RBFOX1: variants seen among roughly 807,000 people sequenced by gnomAD.
RBFOX1 encodes RNA binding fox-1 homolog 1.
In RBFOX1, 8 loss-of-function variants were observed where a neutral mutation model predicts 57.7. The ratio of observed to expected loss-of-function variants is 0.14; its 90% CI spans 0.08 to 0.25. The LOEUF (loss-of-function observed/expected upper bound fraction) is 0.25, where lower values mean the gene tolerates loss of function less well. RBFOX1 is among the 10% of genes least tolerant of loss of function. RBFOX1 has a pLI of 1.00. For synonymous variants in RBFOX1, 326 were observed against 222.4 expected (o/e 1.47, Z -4.15); for missense variants, 611 against 548.5 (o/e 1.11, Z -1.14).
intron 2 of RBFOX1, among the ~76,000 whole-genome samples, chr16:6,403,013 G>A (rs1290375793): frequency 6.6e-6 from 1 of 152,206 alleles, no homozygotes; most frequent in African/African-American, 2.4e-5. Flanking sequence ...TGTTTTGTTT[G>A]TTGATGTATT....
intron 1 of RBFOX1, among the ~76,000 whole-genome samples, chr16:5,292,629 G>GATTTATTTATTT (rs35285859): frequency 1.3e-5 from 2 of 150,306 alleles, no homozygotes; most frequent in Non-Finnish European, 3.0e-5. Flanking sequence ...ATATCAGAGG[G>GATTTATTTATTT]ATTTATTTAT....
At chr16:6,308,341 T>C (rs1374135465) in intron 1 of RBFOX1, among the ~76,000 whole-genome samples, 2 of 152,266 alleles carry the variant, frequency 1.3e-5, no homozygotes, top group Non-Finnish European at 2.9e-5. Flanking sequence ...TGAATCCATG[T>C]TCTTGAGCTT....
intron 3 of RBFOX1, among the ~76,000 whole-genome samples, chr16:6,757,440 C>A (rs1416108602): frequency 6.6e-6 from 1 of 152,118 alleles, no homozygotes; most frequent in African/African-American, 2.4e-5. Context: ...GGTATATATG[C>A]ACAACAGAAT....
At chr16:7,463,982 G>A (rs1201385785) in intron 4 of RBFOX1, among the ~76,000 whole-genome samples, 1 of 152,188 alleles carries the variant, frequency 6.6e-6, no homozygotes, top group Admixed American at 6.5e-5. Flanking sequence ...GGGTGACTCA[G>A]AAGGAAAGTG....
chr16:6,817,412 A>G (rs1037986255), intron 3 of RBFOX1, among the ~76,000 whole-genome samples: 4 of 151,806 alleles, frequency 2.6e-5, no homozygotes, highest in African/African-American at 9.7e-5. Flanking sequence ...ATTAACTTTT[A>G]GCTGGACGCA....
chr16:6,646,911 G>A (rs776131123), intron 2 of RBFOX1, among the ~76,000 whole-genome samples: 1 of 152,144 alleles, frequency 6.6e-6, no homozygotes. Flanking sequence ...GGAAGATACC[G>A]CGTGTACACA....
rs140387456 is a variant in RBFOX1 at position 6,673,110 on chromosome 16, C to A, written c.-16+18460C>A. 2.5e-3 allele frequency among the ~76,000 whole-genome samples: 381 copies of A among 152,278 alleles called. 9 individuals carry two copies. Among genetic ancestry groups the A allele is most frequent in the Non-Finnish European group, 5.9e-4 (40 of 68,026 alleles). ...ATTGGTCACGTAAATGCAACACTTG[C>A]TTATAGCAGACAGAGGTGCAATTTC... On this transcript the variant is annotated intron_variant, in intron 3 of 15. Coordinates refer to ENST00000550418, the MANE Select transcript of RBFOX1 (RefSeq NM_018723.4).
At chr16:7,648,533 T>C (rs781331234) in intron 11 of RBFOX1, among the ~76,000 whole-genome samples, 3 of 152,244 alleles carry the variant, frequency 2.0e-5, no homozygotes, top group Non-Finnish European at 4.4e-5. Flanking sequence ...AGGAAAATTC[T>C]TCTAATAAAG....
In RBFOX1 at chr16:7,135,574, C is replaced by G. The variant is rs547457852; in HGVS notation, c.27+83476C>G. Among the ~76,000 whole-genome samples the G allele has an allele frequency of 3.4e-3, 524 of 152,302 alleles. 2 individuals are homozygous for G. Among genetic ancestry groups the G allele is most frequent in the Non-Finnish European group, 6.2e-3 (421 of 68,012 alleles). On this transcript the variant is annotated intron_variant, in intron 4 of 15. Transcript: ENST00000550418. ...CAACTTGTGAAAAATTAAAGTGTTT[C>G]CATCTTTCATTTTTGAATCTCTGAG... is the stretch of plus-strand genomic sequence containing the variant.
intron 3 of RBFOX1, among the ~76,000 whole-genome samples, chr16:6,690,233 C>G (rs893391419): frequency 1.3e-5 from 2 of 152,068 alleles, no homozygotes; most frequent in African/African-American, 4.8e-5. Flanking sequence ...GAGCATGACT[C>G]TCTAAGAAGA....
chr16:6,539,950 G>T (rs1161861662), intron 2 of RBFOX1, among the ~76,000 whole-genome samples: 1 of 152,104 alleles, frequency 6.6e-6, no homozygotes, highest in Non-Finnish European at 1.5e-5. Context: ...CCCACAGATA[G>T]CCAGCCAATG....
chr16:6,421,896 T>C (rs2093782566), intron 2 of RBFOX1, among the ~76,000 whole-genome samples: 1 of 150,300 alleles, frequency 6.7e-6, no homozygotes, highest in South Asian at 2.1e-4. Flanking sequence ...TTCCTGGTCC[T>C]GTTCCTCCTG....
intron 4 of RBFOX1, among the ~76,000 whole-genome samples, chr16:7,292,679 C>T (rs1340986787): frequency 1.3e-5 from 2 of 151,668 alleles, no homozygotes; most frequent in African/African-American, 4.8e-5. Context: ...AAGAACGCTA[C>T]AATACATGTG....
intron 3 of RBFOX1, among the ~76,000 whole-genome samples, chr16:6,768,720 A>G (rs1363028135): frequency 6.7e-6 from 1 of 149,818 alleles, no homozygotes; most frequent in Non-Finnish European, 1.5e-5. Flanking sequence ...TATATATGAT[A>G]TTATGATGAT....
intron 4 of RBFOX1, among the ~76,000 whole-genome samples, chr16:7,250,852 G>A (rs1256438709): frequency 6.6e-6 from 1 of 152,062 alleles, no homozygotes; most frequent in South Asian, 2.1e-4. Context: ...TTAGGACACT[G>A]GGTGATTCTT....
At chr16:5,825,031 T>G (rs2055985779) in intron 3 of RBFOX1, among the ~76,000 whole-genome samples, 1 of 152,174 alleles carries the variant, frequency 6.6e-6, no homozygotes, top group Non-Finnish European at 1.5e-5. Context: ...TTTGCAAGCT[T>G]TCCAATCCAT....
intron 3 of RBFOX1, among the ~76,000 whole-genome samples, chr16:6,671,950 T>G (rs902335435): frequency 2.0e-5 from 3 of 152,220 alleles, no homozygotes; most frequent in African/African-American, 4.8e-5. Flanking sequence ...GTAGATAGGA[T>G]GATAATGCGA....
intron 3 of RBFOX1, among the ~76,000 whole-genome samples, chr16:6,815,982 C>A (rs751430221): frequency 2.6e-5 from 4 of 152,082 alleles, no homozygotes; most frequent in Non-Finnish European, 5.9e-5. Context: ...TTGGCAAATC[C>A]TTTGAGAAGA....
intron 4 of RBFOX1, among the ~76,000 whole-genome samples, chr16:5,961,372 A>C (rs1017679718): frequency 1.3e-5 from 2 of 152,156 alleles, no homozygotes; most frequent in East Asian, 3.9e-4. Context: ...AAATTACTCA[A>C]TAGCAAAGCC....
Sources: allele counts gnomAD v4.1 joint callset (sites outside exome capture counted in the v4.1 genomes callset), GRCh38; gene constraint gnomAD v4.1.1; transcripts MANE v1.5; gene names NCBI Gene and HGNC (gene_info 2026-07-23, HGNC 2026-07-21).